Variants in ITGA2 observed in about 807,000 individuals in gnomAD.
ITGA2 encodes the protein integrin subunit alpha 2.
A neutral mutation model predicts 146.3 loss-of-function variants in ITGA2; 101 were observed. The ratio of observed to expected loss-of-function variants is 0.69; its 90% CI spans 0.59 to 0.81. The LOEUF is 0.81. ITGA2 is among the 40% of genes least tolerant of loss of function. The probability of loss-of-function intolerance (pLI) is 0.00; values close to 1 mark genes in which losing one functional copy is unlikely to be tolerated. For synonymous variants in ITGA2, 477 were observed against 487.1 expected (o/e 0.98, Z 0.27); for missense variants, 1,281 against 1,402.7 (o/e 0.91, Z 1.39).
chr5:53,083,425 C>T lies in ITGA2; in HGVS notation c.3230C>T (p.Thr1077Ile), dbSNP rs761055333. 5 of 1,610,256 alleles carry T rather than the reference C, an allele frequency of 3.1e-6. No homozygotes were observed. In the Admixed American group the frequency reaches 6.7e-5, roughly 21 times the overall value. Residue 1077 changes from threonine to isoleucine, a missense_variant, in exon 27 of 30, where the codon ACC becomes ATC. This residue lies in a region of ITGA2 where 475 missense variants were observed against 530.5 expected (regional missense o/e 0.90). Coordinates refer to ENST00000296585, the MANE Select transcript of ITGA2 (RefSeq NM_002203.4). The stretch of plus-strand genomic sequence containing the variant: ...GGAGAATACTTTGTTAATGTGACTA[C>T]CAGAATTTGGAACGGGACTTTCGCA... ...MKGEYFVNVTTRIWNGTFASS... is the reference protein window; with the variant it reads ...MKGEYFVNVTIRIWNGTFASS...
chr5:53,020,846 T>C (rs1456564660), intron 1 of ITGA2, among the ~76,000 whole-genome samples: 2 of 149,314 alleles, frequency 1.3e-5, no homozygotes, highest in Non-Finnish European at 3.0e-5. Flanking sequence ...CATGTCCGGC[T>C]AATTTTTTTT....
At chr5:53,064,486 A>C (rs1745056368) in intron 13 of ITGA2, among the ~76,000 whole-genome samples, 1 of 151,886 alleles carries the variant, frequency 6.6e-6, no homozygotes, top group African/African-American at 2.4e-5. Flanking sequence ...TAATATTAAA[A>C]AATTAGTTTG....
intron 2 of ITGA2, among the ~76,000 whole-genome samples, chr5:53,035,085 C>A (rs1450309998): frequency 6.6e-6 from 1 of 152,114 alleles, no homozygotes; most frequent in African/African-American, 2.4e-5. Flanking sequence ...AAGCAGTTTA[C>A]AAATGTTGCT....
chr5:52,989,383 GCAGGTT>G lies in ITGA2; in HGVS notation c.-84_-79del. 6 of 1,368,036 alleles carry G rather than the reference GCAGGTT, an allele frequency of 4.4e-6. No homozygotes were observed. In the South Asian group the frequency reaches 7.0e-5, roughly 16 times the overall value. The allele number at this position is 1,368,036 out of a possible 1,614,324, so 84.7% of individuals were successfully genotyped here. On this transcript the variant is annotated 5_prime_UTR_variant, in exon 1 of 30. Coordinates refer to ENST00000296585, the MANE Select transcript of ITGA2 (RefSeq NM_002203.4). ...GCCCTCTGGACAGCTTCTAGAGTGT[GCAGGTT>G]CTCGTATCCCTCGGCCAAGGGTATC...
chr5:53,030,925 C>T (rs1489110937), intron 2 of ITGA2, among the ~76,000 whole-genome samples: 1 of 152,212 alleles, frequency 6.6e-6, no homozygotes, highest in African/African-American at 2.4e-5. Context: ...ATTTGCCCAG[C>T]CCTGCCAAGG....
intron 2 of ITGA2, among the ~76,000 whole-genome samples, chr5:53,032,552 G>A (rs1743274569): frequency 6.6e-6 from 1 of 152,200 alleles, no homozygotes; most frequent in African/African-American, 2.4e-5. Context: ...AATGCAAAAT[G>A]AGACAAAATG....
intron 2 of ITGA2, among the ~76,000 whole-genome samples, chr5:53,028,667 C>G (rs1477539976): frequency 6.6e-6 from 1 of 152,140 alleles, no homozygotes. Flanking sequence ...ACTTTAATGC[C>G]CAGTAGACAT....
At chr5:53,039,221 G>C (rs914318664) in intron 2 of ITGA2, among the ~76,000 whole-genome samples, 2 of 152,208 alleles carry the variant, frequency 1.3e-5, no homozygotes, top group African/African-American at 2.4e-5. Flanking sequence ...TGAATGCCAA[G>C]GGGCAGAGCC....
At chr5:52,990,589 A>C (rs1402043910) in intron 1 of ITGA2, among the ~76,000 whole-genome samples, 1 of 150,198 alleles carries the variant, frequency 6.7e-6, no homozygotes, top group East Asian at 1.9e-4. Flanking sequence ...TTTTTTTTAC[A>C]AAGAAGATAA....
intron 1 of ITGA2, among the ~76,000 whole-genome samples, chr5:53,014,280 G>A (rs576011606): frequency 6.6e-6 from 1 of 152,092 alleles, no homozygotes; most frequent in East Asian, 1.9e-4. Context: ...TTTCTTCAGT[G>A]CCTAATTTGT....
At chr5:53,055,077 G>A (rs1172624325) in intron 7 of ITGA2, among the ~76,000 whole-genome samples, 1 of 151,962 alleles carries the variant, frequency 6.6e-6, no homozygotes, top group East Asian at 1.9e-4. Context: ...TGTGGAGAGG[G>A]GTTTAGTGTC....
chr5:53,080,688 G>A (rs1212107577), intron 25 of ITGA2, 67 bp downstream of exon 25: 1 of 1,127,452 alleles, frequency 8.9e-7, no homozygotes, highest in Non-Finnish European at 1.4e-6. Flanking sequence ...AGATTAGGGT[G>A]ATCATGTCTG....
chr5:53,008,389 G>T (rs1034131042), intron 1 of ITGA2, among the ~76,000 whole-genome samples: 2 of 149,690 alleles, frequency 1.3e-5, no homozygotes, highest in African/African-American at 4.9e-5. Flanking sequence ...TTCATTAAAG[G>T]CTCTGTCTCC....
At chr5:53,037,207 A>G (rs548051810) in intron 2 of ITGA2, among the ~76,000 whole-genome samples, 82 of 152,364 alleles carry the variant, frequency 5.4e-4, no homozygotes, top group Non-Finnish European at 1.0e-3. Flanking sequence ...GAAAGTCTAC[A>G]TAATCACTAT....
intron 3 of ITGA2, among the ~76,000 whole-genome samples, chr5:53,044,274 CAAAAAAAAAAAAAAAAAAA>C (rs11421419): frequency 6.6e-4 from 25 of 37,780 alleles, no homozygotes; most frequent in African/African-American, 3.4e-3. Flanking sequence ...GACTCTGTCT[CAAAAAAAAAAAAAAAAAAA>C]AAAAAAAAAA....
At chr5:53,024,570 G>T (rs1253222681) in intron 1 of ITGA2, among the ~76,000 whole-genome samples, 9 of 152,156 alleles carry the variant, frequency 5.9e-5, no homozygotes, top group Non-Finnish European at 1.2e-4. Flanking sequence ...AGATAATTTT[G>T]GATAATTGCT....
chr5:53,084,369 T>G (rs1254331049), intron 27 of ITGA2, among the ~76,000 whole-genome samples: 1 of 152,164 alleles, frequency 6.6e-6, no homozygotes, highest in Non-Finnish European at 1.5e-5. Context: ...TTTTTCTGTT[T>G]ATCATTTCAT....
intron 2 of ITGA2, among the ~76,000 whole-genome samples, chr5:53,031,118 C>A (rs892500169): frequency 6.6e-6 from 1 of 152,238 alleles, no homozygotes; most frequent in Non-Finnish European, 1.5e-5. Flanking sequence ...GTGCCCTTCT[C>A]TACTCTTAAT....
rs546969487 is a variant in ITGA2 at position 52,991,048 on chromosome 5, T to C, written c.64+1516T>C. On this transcript the variant is annotated intron_variant, in intron 1 of 29. Coordinates refer to ENST00000296585, the MANE Select transcript of ITGA2 (RefSeq NM_002203.4). ...TTATGTAAAGAGCAGTGAGAAATTC[T>C]TTAATGGAATGTAACGCTGCAAGGC... Among the ~76,000 whole-genome samples, 18 of 152,322 alleles carry C rather than the reference T, an allele frequency of 1.2e-4. 1 individual carries two copies. The East Asian group carries it at 2.9e-3, about 24-fold the overall frequency.
Sources: allele counts gnomAD v4.1 joint callset (sites outside exome capture counted in the v4.1 genomes callset), GRCh38; gene constraint gnomAD v4.1.1; regional missense constraint gnomAD v4.1.1; transcripts MANE v1.5; gene names NCBI Gene and HGNC (gene_info 2026-07-23, HGNC 2026-07-21).